Variants in XKR6 observed in about 807,000 individuals in gnomAD.
XKR6 encodes XK-related protein 6.
A neutral mutation model predicts 56.7 loss-of-function variants in XKR6; 22 were observed. The ratio of observed to expected loss-of-function variants is 0.39; its 90% CI spans 0.28 to 0.55. XKR6 has a LOEUF of 0.55. Ranked by LOEUF, XKR6 falls within the 20% of genes least tolerant of loss-of-function variation. XKR6 has a pLI of 0.66. For missense variants in XKR6, 852 were observed against 889.0 expected, an observed-to-expected ratio of 0.96 and a Z score of 0.53; for synonymous variants, 524 against 387.8, an observed-to-expected ratio of 1.35 and a Z score of -4.13.
At chr8:11,011,705 C>T (rs930476103) in intron 1 of XKR6, among the ~76,000 whole-genome samples, 1 of 152,082 alleles carries the variant, frequency 6.6e-6, no homozygotes, top group Non-Finnish European at 1.5e-5. Flanking sequence ...ACAGAGGCTG[C>T]GATGCGGGAA....
chr8:11,062,376 C>G (rs191773760), intron 1 of XKR6, among the ~76,000 whole-genome samples: 143 of 152,286 alleles, frequency 9.4e-4, no homozygotes, highest in Non-Finnish European at 1.6e-3. Context: ...AGATCTCCTC[C>G]TAGGTTGATG....
chr8:10,959,484 G>A (rs1309807021), intron 1 of XKR6, among the ~76,000 whole-genome samples: 3 of 152,334 alleles, frequency 2.0e-5, no homozygotes, highest in African/African-American at 7.2e-5. Flanking sequence ...AGTCTGAGAT[G>A]AAGGTGCCAG....
chr8:10,960,534 C>G (rs559246853), intron 1 of XKR6, among the ~76,000 whole-genome samples: 1 of 152,210 alleles, frequency 6.6e-6, no homozygotes, highest in Non-Finnish European at 1.5e-5. Context: ...GAAAACTCAT[C>G]GAATTTCCAC....
At position 11,093,698 on chromosome 8, in the gene XKR6, T is replaced by C. The variant is rs188034903; in HGVS notation, c.764+106878A>G. 4.2e-4 allele frequency among the ~76,000 whole-genome samples: 64 copies of C among 152,344 alleles called. 1 individual carries two copies. The highest frequency in any genetic ancestry group is 3.4e-3 in the Middle Eastern group (1 of 294). ...ACTTCAAGTCACGCCTATCTTTCCC[T>C]TTTTTCATTTCTTATAAGAAATAAA... On this transcript the variant is annotated intron_variant, in intron 1 of 2. Coordinates refer to ENST00000416569, the MANE Select transcript of XKR6 (RefSeq NM_173683.4).
chr8:11,163,310 T>C (rs887861022), intron 1 of XKR6, among the ~76,000 whole-genome samples: 1 of 152,210 alleles, frequency 6.6e-6, no homozygotes, highest in African/African-American at 2.4e-5. Flanking sequence ...CAGAAGAATG[T>C]ATTATCAAGT....
At chr8:10,972,996 G>C (rs962035685) in intron 1 of XKR6, among the ~76,000 whole-genome samples, 1 of 152,166 alleles carries the variant, frequency 6.6e-6, no homozygotes, top group Non-Finnish European at 1.5e-5. Flanking sequence ...CATGGTGTTT[G>C]GGACATTTAG....
At chr8:11,075,899 T>C (rs1800262529) in intron 1 of XKR6, among the ~76,000 whole-genome samples, 1 of 152,104 alleles carries the variant, frequency 6.6e-6, no homozygotes, top group Admixed American at 6.5e-5. Flanking sequence ...CGTAACTTGA[T>C]CTTGAGGAGA....
intron 1 of XKR6, 88 bp from the exon 2 acceptor site, chr8:10,924,918 C>G: frequency 7.2e-7 from 1 of 1,390,682 alleles, no homozygotes; most frequent in Non-Finnish European, 9.8e-7. Context: ...AACCAAGAGA[C>G]TCAGCATCCC....
Position 10,924,782 on chromosome 8 carries a change from T to C in XKR6, c.813A>G (p.Glu271=). Residue 271 remains glutamate (E), a synonymous_variant, in exon 2 of 3, where the codon GAA becomes GAG. Transcript: ENST00000416569. ...TAGCCCAGTAGAAGCGTCGCTGGTG[T>C]TCCTTCCGCCGCTGGCTCTGAATCC... The part of the protein sequence containing the change: ...YLGIQSQRRK[E]HQRRFYWAMM... 6.2e-7 allele frequency: 1 copy of C among 1,614,004 alleles called. No homozygotes were observed. Among genetic ancestry groups the C allele is most frequent in the Non-Finnish European group, 8.5e-7 (1 of 1,179,970 alleles).
chr8:11,151,548 T>C (rs370011613), intron 1 of XKR6, among the ~76,000 whole-genome samples: 49 of 152,320 alleles, frequency 3.2e-4, no homozygotes, highest in Admixed American at 1.3e-3. Flanking sequence ...AGATGTGACA[T>C]TTCCCTAAAA....
chr8:11,055,386 T>A (rs529094192), intron 1 of XKR6, among the ~76,000 whole-genome samples: 1 of 152,280 alleles, frequency 6.6e-6, no homozygotes, highest in Non-Finnish European at 1.5e-5. Context: ...GGATTCTTGC[T>A]AAAACTGGAG....
intron 1 of XKR6, among the ~76,000 whole-genome samples, chr8:11,039,503 T>C (rs73662682): frequency 0.013 from 1,973 of 152,286 alleles, 47 homozygotes; most frequent in African/African-American, 0.044. Context: ...GTGCCTTTTC[T>C]CTTCCGAGAT....
intron 1 of XKR6, among the ~76,000 whole-genome samples, chr8:11,165,950 G>T (rs1802049811): frequency 6.9e-6 from 1 of 145,720 alleles, no homozygotes. Context: ...TATATATATA[G>T]TTTTTTGGGT....
In XKR6 at chr8:10,900,595, T is replaced by C. The variant is rs181818116; in HGVS notation, c.962-1679A>G. 2.7e-4 allele frequency among the ~76,000 whole-genome samples: 41 copies of C among 152,368 alleles called. 1 individual carries two copies. The Middle Eastern group carries it at 0.02, about 76-fold the overall frequency. On this transcript the variant is annotated intron_variant, in intron 2 of 2. Coordinates refer to ENST00000416569, the MANE Select transcript of XKR6 (RefSeq NM_173683.4). ...GGGCAACACGATCCCAAGTTCTCCA[T>C]GGAAATCTATCTGGAAAACATCCAA...
In XKR6 at chr8:10,923,300, C is replaced by A. The variant is rs900199208; in HGVS notation, c.961+1334G>T. On this transcript the variant is annotated intron_variant, in intron 2 of 2. Coordinates refer to ENST00000416569, the MANE Select transcript of XKR6 (RefSeq NM_173683.4). ...TTGCTTCTGTGATGGACCAGCAGGA[C>A]TGCAGCCAGCATTTTGTGGGATGGA... 2.0e-5 allele frequency among the ~76,000 whole-genome samples: 3 copies of A among 152,224 alleles called. No homozygotes were observed. In the East Asian group the frequency reaches 5.8e-4, roughly 29 times the overall value.
Position 11,061,419 on chromosome 8 carries a change from A to T in XKR6, c.765-136589T>A, listed in dbSNP as rs2129163674. On this transcript the variant is annotated intron_variant, in intron 1 of 2. Coordinates refer to ENST00000416569, the MANE Select transcript of XKR6 (RefSeq NM_173683.4). Reference sequence around the variant, plus strand: ...GAGGCTGAGGATGCAGTGAGTTGTGATCATGCCACTGCATGCCAGTCAGGG... The same window carrying T: ...GAGGCTGAGGATGCAGTGAGTTGTGTTCATGCCACTGCATGCCAGTCAGGG... Among the ~76,000 whole-genome samples, 3 of 152,056 alleles carry T rather than the reference A, an allele frequency of 2.0e-5. 1 individual carries two copies. The Middle Eastern group carries it at 0.01, about 517-fold the overall frequency.
At chr8:11,086,149 T>TA (rs1554454135) in intron 1 of XKR6, among the ~76,000 whole-genome samples, 5,732 of 100,526 alleles carry the variant, frequency 0.057, 413 homozygotes, top group African/African-American at 0.18. Context: ...TATATATATA[T>TA]TTTTTTTTAA....
At chr8:11,173,254 GA>G (rs1802469358) in intron 1 of XKR6, among the ~76,000 whole-genome samples, 1 of 151,596 alleles carries the variant, frequency 6.6e-6, no homozygotes, top group Non-Finnish European at 1.5e-5. Flanking sequence ...TGAGGCAGGA[GA>G]ATGGCGTGAA....
intron 1 of XKR6, among the ~76,000 whole-genome samples, chr8:11,061,810 G>C (rs1306122139): frequency 6.6e-6 from 1 of 152,180 alleles, no homozygotes; most frequent in African/African-American, 2.4e-5. Flanking sequence ...TGAAGAAGAG[G>C]CAGGAGGGCA....
Sources: gnomAD v4.1 joint callset for allele counts (sites outside exome capture counted in the v4.1 genomes callset) on GRCh38, gnomAD v4.1.1 for gene constraint, MANE v1.5 for transcripts, NCBI Gene and HGNC (gene_info 2026-07-23, HGNC 2026-07-21) for gene names.